STAG1: variants seen among roughly 807,000 people sequenced by gnomAD.
The protein encoded by STAG1 is cohesin subunit SA-1.
A neutral mutation model predicts 170.9 loss-of-function variants in STAG1; 26 were observed. That is an observed-to-expected ratio of 0.15 (90% CI 0.11 to 0.21). The LOEUF is 0.21. Ranked by LOEUF, STAG1 falls within the 10% of genes least tolerant of loss-of-function variation. The pLI, the probability that STAG1 is intolerant of heterozygous loss-of-function variation, is 1.00. For missense variants in STAG1, 964 were observed against 1,509.5 expected, an observed-to-expected ratio of 0.64 and a Z score of 5.99; for synonymous variants, 514 against 497.7, an observed-to-expected ratio of 1.03 and a Z score of -0.44.
At position 136,364,502 on chromosome 3, in the gene STAG1, G is replaced by C. The variant is rs373374783; in HGVS notation, c.2686-1035C>G. 3.9e-5 allele frequency among the ~76,000 whole-genome samples: 6 copies of C among 152,176 alleles called. No homozygotes were observed. In the East Asian group the frequency reaches 1.2e-3, roughly 29 times the overall value. ...AAACAGTTAAAACTGCTTACTTCTG[G>C]GGGGTGGGCCTAAATAGGGGGAAGG... On this transcript the variant is annotated intron_variant, in intron 25 of 33. Transcript: ENST00000383202.
chr3:136,395,477 C>T (rs1048166370), intron 22 of STAG1, among the ~76,000 whole-genome samples: 7 of 151,848 alleles, frequency 4.6e-5, no homozygotes, highest in South Asian at 2.1e-4. Context: ...ACAAAAAACC[C>T]GGGCATGGTG....
At chr3:136,701,336 T>C (rs1023593916) in intron 1 of STAG1, among the ~76,000 whole-genome samples, 2 of 152,168 alleles carry the variant, frequency 1.3e-5, no homozygotes, top group African/African-American at 4.8e-5. Flanking sequence ...ATTTTATCCT[T>C]GACCTTTTTG....
intron 22 of STAG1, among the ~76,000 whole-genome samples, chr3:136,390,676 C>T (rs1459413077): frequency 1.3e-5 from 2 of 152,172 alleles, no homozygotes; most frequent in Non-Finnish European, 2.9e-5. Context: ...CTACAAGGAT[C>T]ACTATTATTT....
intron 23 of STAG1, among the ~76,000 whole-genome samples, chr3:136,376,015 AC>A (rs1176686262): frequency 2.1e-4 from 26 of 126,702 alleles, no homozygotes; most frequent in African/African-American, 7.8e-4. Flanking sequence ...TAAATAATTA[AC>A]AAAATAAAAT....
chr3:136,433,875 G>T (rs1454527305), intron 15 of STAG1, among the ~76,000 whole-genome samples: 1 of 151,638 alleles, frequency 6.6e-6, no homozygotes, highest in African/African-American at 2.4e-5. Context: ...AAGAATAAGA[G>T]GATAAACTCT....
chr3:136,590,500 A>G (rs1432002850), intron 4 of STAG1, among the ~76,000 whole-genome samples: 2 of 151,886 alleles, frequency 1.3e-5, no homozygotes, highest in African/African-American at 4.8e-5. Context: ...CTCAAAAAAA[A>G]AGAAAAAAAA....
At chr3:136,415,497 A>G (rs796142839) in intron 21 of STAG1, among the ~76,000 whole-genome samples, 4 of 152,292 alleles carry the variant, frequency 2.6e-5, no homozygotes, top group African/African-American at 9.6e-5. Flanking sequence ...TCTTATTGTA[A>G]GTACACAGTT....
chr3:136,574,848 C>A (rs886970140), intron 4 of STAG1, among the ~76,000 whole-genome samples: 1 of 152,122 alleles, frequency 6.6e-6, no homozygotes, highest in Admixed American at 6.5e-5. Flanking sequence ...AAACTTAACA[C>A]CAACAATTAC....
chr3:136,723,996 G>A (rs1448320827), intron 1 of STAG1, among the ~76,000 whole-genome samples: 2 of 150,426 alleles, frequency 1.3e-5, no homozygotes, highest in Non-Finnish European at 3.0e-5. Flanking sequence ...TCAGCCCCCC[G>A]CACAGCCAGC....
chr3:136,356,849 T>C (rs1488469253), intron 28 of STAG1, among the ~76,000 whole-genome samples: 33 of 152,024 alleles, frequency 2.2e-4, no homozygotes, highest in Non-Finnish European at 4.4e-5. Context: ...GCCACTTGGG[T>C]TCAAGCGATT....
chr3:136,418,354 T>C (rs577738987), intron 20 of STAG1, among the ~76,000 whole-genome samples: 216 of 65,084 alleles, frequency 3.3e-3, no homozygotes, highest in Admixed American at 4.5e-3. Flanking sequence ...AGCAAGACTC[T>C]GTCTCCAAAA....
chr3:136,406,064 T>C (rs778916275), intron 21 of STAG1, among the ~76,000 whole-genome samples: 1 of 152,204 alleles, frequency 6.6e-6, no homozygotes. Context: ...TGAGTACTTA[T>C]GAATTCAGAC....
chr3:136,689,571 G>C (rs1322686074), intron 1 of STAG1, among the ~76,000 whole-genome samples: 1 of 152,126 alleles, frequency 6.6e-6, no homozygotes, highest in Non-Finnish European at 1.5e-5. Context: ...CAGTAGCCAT[G>C]ATTTTTCTAA....
intron 6 of STAG1, among the ~76,000 whole-genome samples, chr3:136,531,907 T>TAAAAAA (rs58322006): frequency 1.1e-5 from 1 of 90,354 alleles, no homozygotes; most frequent in African/African-American, 3.4e-5. Flanking sequence ...ACTTAAAGTA[T>TAAAAAA]AAAAAAAAAA....
chr3:136,474,647 G>A (rs987915180), intron 10 of STAG1, among the ~76,000 whole-genome samples: 1 of 152,204 alleles, frequency 6.6e-6, no homozygotes, highest in Non-Finnish European at 1.5e-5. Context: ...CAAGCCTACA[G>A]TAGCATACAT....
chr3:136,638,620 T>G (rs1470968619), intron 1 of STAG1, among the ~76,000 whole-genome samples: 2 of 152,182 alleles, frequency 1.3e-5, no homozygotes, highest in Admixed American at 1.3e-4. Context: ...CAAAAAATCA[T>G]GGCTGGGTGC....
chr3:136,461,581 C>T (rs1383313071), intron 13 of STAG1, among the ~76,000 whole-genome samples: 1 of 148,100 alleles, frequency 6.8e-6, no homozygotes, highest in Non-Finnish European at 1.5e-5. Flanking sequence ...ACTAGCAAGA[C>T]TCCGTCTTGA....
intron 1 of STAG1, among the ~76,000 whole-genome samples, chr3:136,670,014 T>C (rs963302162): frequency 1.3e-5 from 2 of 152,174 alleles, no homozygotes; most frequent in African/African-American, 4.8e-5. Flanking sequence ...GACTCCAATA[T>C]ATAAATTCCA....
chr3:136,587,088 G>A (rs576291706), intron 4 of STAG1, among the ~76,000 whole-genome samples: 1 of 151,500 alleles, frequency 6.6e-6, no homozygotes, highest in South Asian at 2.1e-4. Context: ...AACAGCATGT[G>A]AACTATACAT....
Sources: gnomAD v4.1 joint callset for allele counts (sites outside exome capture counted in the v4.1 genomes callset) on GRCh38, gnomAD v4.1.1 for gene constraint, MANE v1.5 for transcripts, NCBI Gene and HGNC (gene_info 2026-07-23, HGNC 2026-07-21) for gene names.